TEP1: variants seen among roughly 807,000 people sequenced by gnomAD.
The protein encoded by TEP1 is telomerase protein component 1.
Under a neutral mutation model 306.3 loss-of-function variants are expected in TEP1, and 241 were observed. The ratio of observed to expected loss-of-function variants is 0.79; its 90% CI spans 0.71 to 0.88. The LOEUF is 0.88. Ranked by LOEUF, TEP1 falls within the 40% of genes least tolerant of loss-of-function variation. The pLI is 0.00. For synonymous variants in TEP1, 1,289 were observed against 1,305.5 expected, an observed-to-expected ratio of 0.99 and a Z score of 0.27; for missense variants, 3,051 against 3,276.1, an observed-to-expected ratio of 0.93 and a Z score of 1.68.
intron 38 of TEP1, 56 bp from the exon 39 acceptor site, chr14:20,378,292 G>A: frequency 3.1e-6 from 5 of 1,612,510 alleles, no homozygotes; most frequent in South Asian, 2.2e-5. Context: ...AAAATCTTAA[G>A]TGACCCAGAA....
intron 24 of TEP1, 37 bp from the exon 25 acceptor site, chr14:20,383,955 T>G: frequency 1.3e-6 from 2 of 1,591,398 alleles, no homozygotes; most frequent in Admixed American, 3.4e-5. Flanking sequence ...GGTCACATTT[T>G]ACATGCCTGA....
intron 44 of TEP1, 101 bp from the exon 45 acceptor site, chr14:20,373,911 A>T: frequency 6.8e-7 from 1 of 1,477,836 alleles, no homozygotes; most frequent in Non-Finnish European, 9.1e-7. Flanking sequence ...AGCATGGAAG[A>T]TGTCAATGAG....
At position 20,405,556 on chromosome 14, in the gene TEP1, A is replaced by G. The variant is rs1879112868; in HGVS notation, c.765T>C (p.Thr255=). 6.2e-7 allele frequency: 1 copy of G among 1,614,190 alleles called. No homozygotes were observed. Among genetic ancestry groups the G allele is most frequent in the Non-Finnish European group, 8.5e-7 (1 of 1,180,046 alleles). The change falls in exon 4 of 55, where the codon ACT becomes ACC. Residue 255 remains threonine, a synonymous_variant. Transcript: ENST00000262715. The part of the protein sequence containing the change: ...KMALLSLLCS[T]LVSEVNMNNT... The stretch of plus-strand genomic sequence containing the variant: ...TGTTCATGTTTACTTCTGAGACCAG[A>G]GTAGAGCACAGCAAGCTCAGTAGAG...
At chr14:20,374,012 T>C (rs1885024775) in intron 44 of TEP1, among the ~76,000 whole-genome samples, 1 of 152,066 alleles carries the variant, frequency 6.6e-6, no homozygotes, top group African/African-American at 2.4e-5. Context: ...TGTGTTTTCA[T>C]GCTCTCCTCT....
chr14:20,385,460 C>T (rs1460875811), intron 20 of TEP1, among the ~76,000 whole-genome samples: 1 of 152,088 alleles, frequency 6.6e-6, no homozygotes, highest in Non-Finnish European at 1.5e-5. Flanking sequence ...GCAACCTCCG[C>T]CTCCTCGGTT....
At chr14:20,401,708 G>A (rs572385365) in intron 7 of TEP1, 127 bp from the exon 8 acceptor site, 17 of 1,405,574 alleles carry the variant, frequency 1.2e-5, no homozygotes, top group Non-Finnish European at 1.6e-5. Flanking sequence ...AATAGATTTG[G>A]CCAAGGAGCA....
At chr14:20,377,550 G>GC in intron 40 of TEP1, 50 bp downstream of exon 40, 1 of 1,613,230 alleles carries the variant, frequency 6.2e-7, no homozygotes, top group East Asian at 2.2e-5. Context: ...GGGGGCAGGG[G>GC]CTGCGCTCTT....
rs780723830 is a variant in TEP1 at position 20,377,682 on chromosome 14, G to A, written c.5793C>T (p.Leu1931=). 1.9e-6 allele frequency: 3 copies of A among 1,614,142 alleles called. No homozygotes were observed. Among genetic ancestry groups the A allele is most frequent in the Non-Finnish European group, 2.5e-6 (3 of 1,180,028 alleles). Residue 1931 remains leucine, a synonymous_variant, in exon 40 of 55, where the codon CTC becomes CTT. Coordinates refer to ENST00000262715, the MANE Select transcript of TEP1 (RefSeq NM_007110.5). ...HLGSLSLSPA[L]SVALSPDGDR... is the part of the protein sequence containing the mutation. The stretch of plus-strand genomic sequence containing the variant: ...CACCATCTGGGCTGAGTGCCACAGA[G>A]AGGGCAGGAGAGAGAGAAAGGGAAC...
In TEP1 at chr14:20,395,214, A is replaced by G. The variant is rs1878094842; in HGVS notation, c.1928+236T>C. On this transcript the variant is annotated intron_variant, in intron 12 of 54. Coordinates refer to ENST00000262715, the MANE Select transcript of TEP1 (RefSeq NM_007110.5). The stretch of plus-strand genomic sequence containing the variant: ...AAGAAAGGAATCTACATAAACCAAT[A>G]AAACAATCACAGATAATAGAGTGGA... Among the ~76,000 whole-genome samples the G allele has an allele frequency of 3.9e-5, 6 of 152,342 alleles. No homozygotes were observed. The South Asian group carries it at 1.2e-3, about 32-fold the overall frequency.
chr14:20,405,696 G>T, intron 3 of TEP1, 111 bp from the exon 4 acceptor site: 2 of 1,271,700 alleles, frequency 1.6e-6, no homozygotes, highest in Non-Finnish European at 2.1e-6. Context: ...GACCCGAGAT[G>T]TGGAGTCCAG....
In TEP1 at chr14:20,400,800, A is replaced by G. The variant is rs561864324; in HGVS notation, c.1549+184T>C. On this transcript the variant is annotated intron_variant, in intron 9 of 54. Transcript: ENST00000262715. ...TGGTATAATGATCTATGATGCCAAC[A>G]TTACTCAAAGCAGGTACCACTGTTT... is the stretch of plus-strand genomic sequence containing the variant. 6.2e-5 allele frequency: 42 copies of G among 682,260 alleles called. No homozygotes were observed. The South Asian group carries it at 9.3e-4, about 15-fold the overall frequency. The allele number at this position is 682,260 out of a possible 1,614,324, so 42.3% of individuals were successfully genotyped here.
Position 20,405,603 on chromosome 14 carries a change from G to C in TEP1, c.736-18C>G. The C allele has an allele frequency of 6.2e-7, 1 of 1,612,258 alleles. No homozygotes were observed. Among genetic ancestry groups the C allele is most frequent in the African/African-American group, 1.3e-5 (1 of 74,992 alleles). On this transcript the variant is annotated intron_variant, in intron 3 of 54. Transcript: ENST00000262715. ...AGAGCCATCTGGGAATTGAGAAAGA[G>C]GGAAGAAATGAGAAGAGAGGTAACA...
rs1420738145 is a variant in TEP1 at position 20,381,292 on chromosome 14, C to T, written c.4647+21G>A. ...AAAGCACTCACTTTGGGAAAGGTGT[C>T]TATGGGGTCTAGGAACTAACCAGGT... On this transcript the variant is annotated intron_variant, in intron 32 of 54. Transcript: ENST00000262715. This position sits in a 1 kb window ranked among gnomAD's most constrained non-coding sequence, Gnocchi z 4.0. 9.9e-6 allele frequency: 16 copies of T among 1,612,920 alleles called. No homozygotes were observed. Among genetic ancestry groups the T allele is most frequent in the African/African-American group, 1.3e-5 (1 of 74,888 alleles).
chr14:20,389,415 A>AGGCTAG (rs1377456785), intron 16 of TEP1, 118 bp from the exon 17 acceptor site: 11 of 1,438,200 alleles, frequency 7.6e-6, no homozygotes, highest in Non-Finnish European at 9.7e-6. Flanking sequence ...GTTATGTGGT[A>AGGCTAG]GGCTAGGGCT....
At chr14:20,412,912 G>A (rs959156366) in intron 1 of TEP1, among the ~76,000 whole-genome samples, 11 of 151,928 alleles carry the variant, frequency 7.2e-5, no homozygotes, top group East Asian at 3.9e-4. Context: ...CCCAACCTCC[G>A]CCTCCCAAAG....
At position 20,378,637 on chromosome 14, in the gene TEP1, C is replaced by A. The variant is rs558039617; in HGVS notation, c.5353-102G>T. ...CCTTGTCCAGTTACCCTGCCCTCAG[C>A]AGGGAAGGCCTTCTCTGGCCAGGGA... is the stretch of plus-strand genomic sequence containing the variant. On this transcript the variant is annotated intron_variant, in intron 37 of 54. Transcript: ENST00000262715. The A allele has an allele frequency of 2.5e-4, 389 of 1,584,260 alleles. 1 individual carries two copies. In the Middle Eastern group the frequency reaches 2.6e-3, roughly 11 times the overall value.
intron 12 of TEP1, among the ~76,000 whole-genome samples, chr14:20,394,672 G>T (rs200250715): frequency 6.6e-6 from 1 of 151,952 alleles, no homozygotes; most frequent in Non-Finnish European, 1.5e-5. Flanking sequence ...TAGACAGGGG[G>T]TTTCACCATG....
chr14:20,389,610 A>C lies in TEP1; in HGVS notation c.2465T>G (p.Leu822Arg). 1 of 1,614,062 alleles carries C rather than the reference A, an allele frequency of 6.2e-7. No homozygotes were observed. Among genetic ancestry groups the C allele is most frequent in the Non-Finnish European group, 8.5e-7 (1 of 1,179,944 alleles). The change falls in exon 16 of 55, where the codon CTG becomes CGG. Residue 822 changes from leucine to arginine, a missense_variant and splice_region_variant. Physicochemically the swap from Leu to Arg is moderately radical, Grantham distance 102. Coordinates refer to ENST00000262715, the MANE Select transcript of TEP1 (RefSeq NM_007110.5). ...VGILLRRVQY[L>R]STDLNPNDVT... Reference sequence around the variant, plus strand: ...GGGCAGGAAGTATAAGCACCCTTACAGGTATTGTACCCTTCTTAGGAGGAT... The same window carrying C: ...GGGCAGGAAGTATAAGCACCCTTACCGGTATTGTACCCTTCTTAGGAGGAT...
intron 24 of TEP1, 58 bp from the exon 25 acceptor site, chr14:20,383,976 C>A: frequency 6.3e-7 from 1 of 1,585,504 alleles, no homozygotes. Context: ...GCTCCCTGTG[C>A]CTTACCTCCT....
Sources: allele counts gnomAD v4.1 joint callset (sites outside exome capture counted in the v4.1 genomes callset), GRCh38; gene constraint gnomAD v4.1.1; non-coding constraint Gnocchi (gnomAD v3.1); transcripts MANE v1.5; gene names NCBI Gene and HGNC (gene_info 2026-07-23, HGNC 2026-07-21).